MAGI1: variants seen among roughly 807,000 people sequenced by gnomAD.
MAGI1 encodes the protein membrane associated guanylate kinase, WW and PDZ domain containing 1, also known as membrane-associated guanylate kinase, WW and PDZ domain-containing protein 1.
MAGI1 carries 58 observed loss-of-function variants against 139.9 expected under a neutral mutation model. The observed-to-expected ratio is 0.41, with a 90% CI of 0.34 to 0.52. MAGI1 has a LOEUF of 0.52. MAGI1 is among the 20% of genes least tolerant of loss of function. The probability of loss-of-function intolerance (pLI) is 0.12; values close to 1 mark genes in which losing one functional copy is unlikely to be tolerated. For missense variants in MAGI1, 1,874 were observed against 1,901.6 expected (o/e 0.99, Z 0.27); for synonymous variants, 812 against 737.9 (o/e 1.10, Z -1.63).
At chr3:65,931,160 G>C (rs1251261078) in intron 1 of MAGI1, among the ~76,000 whole-genome samples, 1 of 151,934 alleles carries the variant, frequency 6.6e-6, no homozygotes, top group Non-Finnish European at 1.5e-5. Flanking sequence ...AGCCTCCCGA[G>C]TAGCTGAGAC....
chr3:65,451,380 A>G (rs375126615), intron 6 of MAGI1, among the ~76,000 whole-genome samples: 19 of 152,320 alleles, frequency 1.2e-4, no homozygotes, highest in African/African-American at 4.3e-4. Flanking sequence ...TTATTGTTCC[A>G]TGAAATTTTA....
intron 1 of MAGI1, among the ~76,000 whole-genome samples, chr3:65,725,747 G>C (rs949490347): frequency 2.0e-5 from 3 of 152,164 alleles, no homozygotes; most frequent in Non-Finnish European, 4.4e-5. Flanking sequence ...TTCCATTCCA[G>C]CCTACTTAAA....
At position 65,485,243 on chromosome 3, in the gene MAGI1, A is replaced by G. The variant is rs145035585; in HGVS notation, c.551-6445T>C. Among the ~76,000 whole-genome samples, 493 of 152,266 alleles carry G rather than the reference A, an allele frequency of 3.2e-3. 1 individual carries two copies. Among genetic ancestry groups the G allele is most frequent in the Middle Eastern group, 0.01 (3 of 294 alleles). On this transcript the variant is annotated intron_variant, in intron 3 of 22. Coordinates refer to ENST00000402939, the MANE Select transcript of MAGI1 (RefSeq NM_001033057.2). ...GATAGTTCCTTCATAAAACTGCAATACTTTCTTTTTACTCTTCCTTTTCCT... is the reference window on the plus strand; with the variant it reads ...GATAGTTCCTTCATAAAACTGCAATGCTTTCTTTTTACTCTTCCTTTTCCT...
chr3:65,447,022 T>C (rs1377973962), intron 7 of MAGI1, among the ~76,000 whole-genome samples: 4 of 152,214 alleles, frequency 2.6e-5, no homozygotes, highest in African/African-American at 9.6e-5. Context: ...TAATCTATAC[T>C]AAATAGACTT....
chr3:65,752,789 C>G (rs9637476), intron 1 of MAGI1, among the ~76,000 whole-genome samples: 130,674 of 152,186 alleles, frequency 0.86, 57,934 homozygotes, highest in East Asian at 0.98. Context: ...ACCCCGACTT[C>G]AATCCTTGAC....
At chr3:65,678,262 T>C (rs1042992470) in intron 1 of MAGI1, among the ~76,000 whole-genome samples, 1 of 152,042 alleles carries the variant, frequency 6.6e-6, no homozygotes, top group African/African-American at 2.4e-5. Context: ...ATGGCATATG[T>C]ATACCTATGT....
intron 1 of MAGI1, among the ~76,000 whole-genome samples, chr3:66,004,305 C>T (rs2066901613): frequency 6.6e-6 from 1 of 152,256 alleles, no homozygotes; most frequent in African/African-American, 2.4e-5. Context: ...TTGGGGGTGA[C>T]TTGATGGCTA....
At chr3:65,468,947 C>CAATAAATA (rs141122582) in intron 5 of MAGI1, among the ~76,000 whole-genome samples, 55,939 of 134,348 alleles carry the variant, frequency 0.42, 12,036 homozygotes, top group Non-Finnish European at 0.46. Flanking sequence ...GGAAGGGAAA[C>CAATAAATA]AATAAATAAA....
chr3:65,721,031 C>A (rs1325862028), intron 1 of MAGI1, among the ~76,000 whole-genome samples: 2 of 152,028 alleles, frequency 1.3e-5, no homozygotes, highest in Non-Finnish European at 2.9e-5. Context: ...TGTGAAATCC[C>A]ACCTGAAATC....
At chr3:65,464,889 T>C (rs1208882979) in intron 5 of MAGI1, among the ~76,000 whole-genome samples, 1 of 151,514 alleles carries the variant, frequency 6.6e-6, no homozygotes, top group Non-Finnish European at 1.5e-5. Context: ...TTTAGAATTC[T>C]GTTTTTATAT....
chr3:65,939,751 T>C (rs1013445584), intron 1 of MAGI1, among the ~76,000 whole-genome samples: 6 of 152,122 alleles, frequency 3.9e-5, no homozygotes, highest in African/African-American at 1.2e-4. Context: ...AGGACATTAG[T>C]AGTCATGGTA....
intron 1 of MAGI1, among the ~76,000 whole-genome samples, chr3:65,908,765 C>T (rs78627952): frequency 0.025 from 3,740 of 152,184 alleles, 108 homozygotes; most frequent in East Asian, 0.073. Context: ...TGTGGATCAG[C>T]CTTTCTAACA....
intron 1 of MAGI1, among the ~76,000 whole-genome samples, chr3:65,731,567 T>G (rs1217240197): frequency 6.6e-6 from 1 of 150,600 alleles, no homozygotes; most frequent in Non-Finnish European, 1.5e-5. Context: ...AGGTGGGAGA[T>G]TCACTTGAGC....
At chr3:65,478,450 A>C in intron 4 of MAGI1, 142 bp downstream of exon 4, 2 of 729,794 alleles carry the variant, frequency 2.7e-6, no homozygotes, top group Admixed American at 2.0e-5. Context: ...TCTCTTCTGC[A>C]AGCACTGTGT....
At chr3:66,015,551 G>T (rs1659395936) in intron 1 of MAGI1, among the ~76,000 whole-genome samples, 1 of 152,168 alleles carries the variant, frequency 6.6e-6, no homozygotes, top group Non-Finnish European at 1.5e-5. Flanking sequence ...TGATTGAGAA[G>T]TAAATGAGTT....
At chr3:65,828,048 A>C (rs1379491463) in intron 1 of MAGI1, among the ~76,000 whole-genome samples, 2 of 152,226 alleles carry the variant, frequency 1.3e-5, no homozygotes, top group Non-Finnish European at 2.9e-5. Context: ...TGATTTTATA[A>C]GATATTAATT....
intron 1 of MAGI1, among the ~76,000 whole-genome samples, chr3:65,758,654 A>T (rs982047558): frequency 8.5e-5 from 13 of 152,166 alleles, no homozygotes; most frequent in African/African-American, 3.1e-4. Context: ...TGCTACTGGC[A>T]TCTAGTGGGT....
chr3:65,421,278 C>A (rs1946616069), intron 12 of MAGI1, among the ~76,000 whole-genome samples: 1 of 152,112 alleles, frequency 6.6e-6, no homozygotes, highest in Non-Finnish European at 1.5e-5. Flanking sequence ...TCCTTTAATA[C>A]CAAATTGGAA....
chr3:65,897,475 G>A (rs978527394), intron 1 of MAGI1, among the ~76,000 whole-genome samples: 2 of 151,940 alleles, frequency 1.3e-5, no homozygotes, highest in Admixed American at 6.6e-5. Context: ...CTGTGGGGTG[G>A]GGGGCAGGGG....
Sources: allele counts gnomAD v4.1 joint callset (sites outside exome capture counted in the v4.1 genomes callset), GRCh38; gene constraint gnomAD v4.1.1; transcripts MANE v1.5; gene names NCBI Gene and HGNC (gene_info 2026-07-23, HGNC 2026-07-21).